The following ARHGAP19 variants were observed in gnomAD, a reference collection of about 807,000 sequenced individuals.
ARHGAP19 encodes Rho GTPase activating protein 19, also known as rho GTPase-activating protein 19.
In ARHGAP19, 48 loss-of-function variants were observed where a neutral mutation model predicts 60.9. The observed-to-expected ratio is 0.79, with a 90% CI of 0.62 to 1.00. The LOEUF (loss-of-function observed/expected upper bound fraction) is 1.00, where lower values mean the gene tolerates loss of function less well. Among genes scored for constraint, ARHGAP19 ranks in the 50% least tolerant of loss-of-function variants. ARHGAP19 has a pLI of 0.00. For synonymous variants in ARHGAP19, 209 were observed against 215.5 expected (o/e 0.97, Z 0.27); for missense variants, 562 against 597.2 (o/e 0.94, Z 0.61).
intron 5 of ARHGAP19, 54 bp from the exon 6 acceptor site, chr10:97,256,458 C>T (rs1842753836): frequency 2.4e-6 from 3 of 1,267,372 alleles, no homozygotes; most frequent in Non-Finnish European, 3.5e-6. Context: ...GAAAGTAGTA[C>T]TTACCAATAA....
chr10:97,248,364 A>AG (rs1842593456), intron 6 of ARHGAP19, among the ~76,000 whole-genome samples: 1 of 152,190 alleles, frequency 6.6e-6, no homozygotes, highest in South Asian at 2.1e-4. Flanking sequence ...CTGTGAGCCC[A>AG]GATCGTGCTA....
At chr10:97,242,278 A>G (rs1018042971) in intron 8 of ARHGAP19, among the ~76,000 whole-genome samples, 3 of 149,972 alleles carry the variant, frequency 2.0e-5, no homozygotes, top group Non-Finnish European at 4.4e-5. Context: ...GTTTTTCTAA[A>G]AAGTGCAAAA....
At chr10:97,240,832 CAT>C (rs1157926563) in intron 8 of ARHGAP19, among the ~76,000 whole-genome samples, 1 of 152,074 alleles carries the variant, frequency 6.6e-6, no homozygotes, top group Non-Finnish European at 1.5e-5. Flanking sequence ...CAATGTGAAA[CAT>C]ATATTCATGG....
At chr10:97,265,327 C>A in intron 2 of ARHGAP19, 1 of 175,940 alleles carries the variant, frequency 5.7e-6, no homozygotes, top group South Asian at 1.3e-4. Context: ...CATAGTGAGA[C>A]CCCATCTCTA....
At chr10:97,270,599 T>A in intron 1 of ARHGAP19, 1 of 1,545,264 alleles carries the variant, frequency 6.5e-7, no homozygotes. Flanking sequence ...ATAAATACAT[T>A]TCTTACATAA....
chr10:97,290,855 C>T (rs1036012263), intron 1 of ARHGAP19, among the ~76,000 whole-genome samples: 7 of 152,088 alleles, frequency 4.6e-5, no homozygotes, highest in East Asian at 1.9e-4. Context: ...ACCCCTACTA[C>T]GCCCCAATTC....
At chr10:97,236,394 C>T (rs1842378417) in intron 8 of ARHGAP19, among the ~76,000 whole-genome samples, 1 of 152,082 alleles carries the variant, frequency 6.6e-6, no homozygotes. Context: ...CCAAGAGGTT[C>T]TCAAAGTTAA....
At chr10:97,263,946 T>A (rs1842864494) in intron 3 of ARHGAP19, among the ~76,000 whole-genome samples, 1 of 152,120 alleles carries the variant, frequency 6.6e-6, no homozygotes, top group African/African-American at 2.4e-5. Flanking sequence ...AAATAAACTT[T>A]AAAAAAGCCA....
At chr10:97,272,802 C>T (rs1044521695) in intron 1 of ARHGAP19, among the ~76,000 whole-genome samples, 19 of 149,396 alleles carry the variant, frequency 1.3e-4, no homozygotes, top group Non-Finnish European at 2.7e-4. Context: ...AAGGTTCCAA[C>T]TTCTAGCTTT....
At chr10:97,290,218 G>A (rs1367285351) in intron 1 of ARHGAP19, among the ~76,000 whole-genome samples, 2 of 152,088 alleles carry the variant, frequency 1.3e-5, no homozygotes, top group South Asian at 2.1e-4. Flanking sequence ...GCTTTTGCTC[G>A]CCCTCTACCA....
chr10:97,263,402 C>G lies in ARHGAP19; in HGVS notation c.613+18G>C. The G allele has an allele frequency of 6.2e-7, 1 of 1,611,358 alleles. No individual in the cohort carries two copies. Among genetic ancestry groups the G allele is most frequent in the Non-Finnish European group, 8.5e-7 (1 of 1,177,524 alleles). On this transcript the variant is annotated intron_variant, in intron 4 of 11. Coordinates refer to ENST00000358531, the MANE Select transcript of ARHGAP19 (RefSeq NM_032900.6). ...GAAAGAAATGTATTTACATCTCCTT[C>G]TTACTTCCTATACTCACCAGCGATT...
intron 1 of ARHGAP19, among the ~76,000 whole-genome samples, chr10:97,290,271 C>T (rs1051803004): frequency 7.1e-6 from 1 of 140,100 alleles, no homozygotes. Context: ...GACTCCCATC[C>T]CGCTGCTGAC....
intron 9 of ARHGAP19, among the ~76,000 whole-genome samples, chr10:97,234,265 C>T (rs1219398893): frequency 6.6e-6 from 1 of 151,430 alleles, no homozygotes; most frequent in Non-Finnish European, 1.5e-5. Context: ...GAGACTCTGT[C>T]TCAAAAAAAA....
Position 97,229,830 on chromosome 10 carries a change from C to T in ARHGAP19, c.1329G>A (p.Lys443=), listed in dbSNP as rs138990858. 449 of 1,612,874 alleles carry T rather than the reference C, an allele frequency of 2.8e-4. 1 individual carries two copies. The African/African-American group carries it at 5.5e-3, about 20-fold the overall frequency. ...TGGCCACAGATTCTGGAGTAGGGTT[C>T]TTCTTTTTCTTTTCTGACATCATCT... ...GNQMMSEKKK[K]NPTPESVAIG... is the part of the protein sequence containing the mutation. The change falls in exon 10 of 12, where the codon AAG becomes AAA. Residue 443 remains lysine, a synonymous_variant. Transcript: ENST00000358531.
At chr10:97,231,367 A>G (rs1183918363) in intron 9 of ARHGAP19, among the ~76,000 whole-genome samples, 1 of 152,178 alleles carries the variant, frequency 6.6e-6, no homozygotes, top group Non-Finnish European at 1.5e-5. Flanking sequence ...TATTAAGTAT[A>G]TTAATAGTGT....
chr10:97,289,832 C>G (rs1843205870), intron 1 of ARHGAP19, among the ~76,000 whole-genome samples: 1 of 135,210 alleles, frequency 7.4e-6, no homozygotes, highest in Admixed American at 8.1e-5. Context: ...CCAGCCTGGG[C>G]AACAGAAGGA....
chr10:97,261,992 A>G (rs11189077), intron 4 of ARHGAP19, among the ~76,000 whole-genome samples: 6,496 of 152,242 alleles, frequency 0.043, 205 homozygotes, highest in Non-Finnish European at 0.061. Flanking sequence ...CATAAAAATC[A>G]GAGAAAAGGA....
intron 1 of ARHGAP19, among the ~76,000 whole-genome samples, chr10:97,273,165 C>CT (rs200631403): frequency 4.0e-5 from 6 of 150,056 alleles, no homozygotes; most frequent in Non-Finnish European, 7.4e-5. Flanking sequence ...TCATTAGTTT[C>CT]TTTTTTTTTC....
chr10:97,264,885 G>A lies in ARHGAP19; in HGVS notation c.344C>T (p.Ser115Phe). Reference protein sequence around the residue: ...KRKEKGVIFGSPLTEEGIAQI... With the variant: ...KRKEKGVIFGFPLTEEGIAQI... ...GGCAATGCCTTCCTCCGTCAGTGGG[G>A]ACCCAAATATCACTCCTTTTTCTGA... Residue 115 changes from serine to phenylalanine, a missense_variant, in exon 3 of 12, where the codon TCC becomes TTC. Ser to Phe is a radical substitution (Grantham distance 155). Coordinates refer to ENST00000358531, the MANE Select transcript of ARHGAP19 (RefSeq NM_032900.6). 1 of 1,613,400 alleles carries A rather than the reference G, an allele frequency of 6.2e-7. No individual in the cohort carries two copies. Among genetic ancestry groups the A allele is most frequent in the Non-Finnish European group, 8.5e-7 (1 of 1,179,480 alleles).
Sources: gnomAD v4.1 joint callset for allele counts (sites outside exome capture counted in the v4.1 genomes callset) on GRCh38, gnomAD v4.1.1 for gene constraint, MANE v1.5 for transcripts, NCBI Gene and HGNC (gene_info 2026-07-23, HGNC 2026-07-21) for gene names.